The following RALYL variants were observed in gnomAD, a reference collection of about 807,000 sequenced individuals.
RALYL encodes the protein RALY RNA binding protein like.
In RALYL, 29 loss-of-function variants were observed where a neutral mutation model predicts 35.1. The ratio of observed to expected loss-of-function variants is 0.83; its 90% CI spans 0.61 to 1.13. The LOEUF (loss-of-function observed/expected upper bound fraction) is 1.13. RALYL is among the 50% of genes most tolerant of loss of function. The probability of loss-of-function intolerance (pLI) is 0.00; values close to 1 mark genes in which losing one functional copy is unlikely to be tolerated. For synonymous variants in RALYL, 120 were observed against 127.6 expected (o/e 0.94, Z 0.40); for missense variants, 359 against 360.4 (o/e 1.00, Z 0.03).
chr8:84,332,999 C>T (rs956380063), intron 1 of RALYL, among the ~76,000 whole-genome samples: 4 of 152,238 alleles, frequency 2.6e-5, no homozygotes, highest in African/African-American at 7.2e-5. Context: ...CCTACGCTAA[C>T]GAAGAGAATT....
chr8:84,341,767 C>T (rs371166677), intron 1 of RALYL, among the ~76,000 whole-genome samples: 16 of 151,956 alleles, frequency 1.1e-4, no homozygotes, highest in African/African-American at 3.6e-4. Context: ...TCAATGTGAA[C>T]CAGCTGTAAA....
intron 2 of RALYL, among the ~76,000 whole-genome samples, chr8:84,656,287 G>A (rs908824201): frequency 1.3e-5 from 2 of 152,066 alleles, no homozygotes; most frequent in African/African-American, 2.4e-5. Flanking sequence ...TATTATTGAG[G>A]TTCTCCTTTG....
At chr8:84,746,677 C>A (rs1478653897) in intron 2 of RALYL, among the ~76,000 whole-genome samples, 1 of 151,826 alleles carries the variant, frequency 6.6e-6, no homozygotes, top group East Asian at 1.9e-4. Flanking sequence ...TTCCACTATT[C>A]CCCTAAGATA....
chr8:84,473,646 A>G (rs1333579213), intron 1 of RALYL, among the ~76,000 whole-genome samples: 2 of 151,850 alleles, frequency 1.3e-5, no homozygotes, highest in African/African-American at 4.8e-5. Flanking sequence ...TATGTATGGA[A>G]CATTTTTGGG....
At chr8:84,915,787 A>T (rs929158645) in intron 8 of RALYL, among the ~76,000 whole-genome samples, 7 of 152,060 alleles carry the variant, frequency 4.6e-5, no homozygotes, top group African/African-American at 1.7e-4. Context: ...ATCTTATCAA[A>T]CTAAAAAAAT....
intron 1 of RALYL, among the ~76,000 whole-genome samples, chr8:84,511,829 C>T (rs2057648468): frequency 6.6e-6 from 1 of 152,164 alleles, no homozygotes; most frequent in Non-Finnish European, 1.5e-5. Context: ...TTTCACTTAA[C>T]ATAATGACCT....
chr8:84,271,239 T>C (rs189776365), intron 1 of RALYL, among the ~76,000 whole-genome samples: 1 of 150,276 alleles, frequency 6.7e-6, no homozygotes, highest in Non-Finnish European at 1.5e-5. Flanking sequence ...GGGAAAAATA[T>C]TTGAATAGAC....
chr8:84,315,553 C>T (rs190701293), intron 1 of RALYL, among the ~76,000 whole-genome samples: 189 of 151,866 alleles, frequency 1.2e-3, no homozygotes, highest in African/African-American at 4.3e-3. Flanking sequence ...AACTTTGATA[C>T]GCTTCCTGAA....
In RALYL at chr8:84,372,886, G is replaced by GTTTTTTTTTTTTTT; in HGVS notation, c.-23-156397_-23-156384dup. Among the ~76,000 whole-genome samples the GTTTTTTTTTTTTTT allele has an allele frequency of 8.7e-3, 339 of 39,080 alleles. 27 individuals carry two copies. Among genetic ancestry groups the GTTTTTTTTTTTTTT allele is most frequent in the East Asian group, 0.013 (19 of 1,490 alleles). 25.6% of individuals were successfully genotyped at this position (39,080 alleles called of 152,430 possible). On this transcript the variant is annotated intron_variant, in intron 1 of 8. Transcript: ENST00000521268. ...TTTCTCCACAACCATGCCAGCATCT[G>GTTTTTTTTTTTTTT]TTTTTTTTTTTTTTTTTTTTTTTTT...
chr8:84,567,504 A>ATATGG (rs1202176955), intron 2 of RALYL, among the ~76,000 whole-genome samples: 8 of 151,780 alleles, frequency 5.3e-5, no homozygotes, highest in African/African-American at 1.9e-4. Flanking sequence ...GGTCTCCATC[A>ATATGG]CCATCTATAT....
intron 5 of RALYL, among the ~76,000 whole-genome samples, chr8:84,857,036 GAAAAAAAAA>G (rs36119108): frequency 1.1e-5 from 1 of 91,828 alleles, no homozygotes; most frequent in Non-Finnish European, 2.0e-5. Context: ...CTCCGTCTCA[GAAAAAAAAA>G]AAAAAAAAAA....
intron 4 of RALYL, among the ~76,000 whole-genome samples, chr8:84,847,566 G>T (rs1332831715): frequency 6.6e-6 from 1 of 152,084 alleles, no homozygotes; most frequent in Non-Finnish European, 1.5e-5. Flanking sequence ...TACACCTTAG[G>T]GTTTGATGGT....
intron 6 of RALYL, chr8:84,864,944 C>A (rs1395804511): frequency 4.4e-6 from 1 of 226,356 alleles, no homozygotes; most frequent in East Asian, 9.5e-5. Flanking sequence ...CTATTCTATT[C>A]ATTTCATATA....
At chr8:84,915,642 G>A (rs1848349456) in intron 8 of RALYL, among the ~76,000 whole-genome samples, 1 of 152,020 alleles carries the variant, frequency 6.6e-6, no homozygotes, top group African/African-American at 2.4e-5. Flanking sequence ...AAAAGACACT[G>A]CTGCTCTGTT....
chr8:84,472,061 AT>A (rs1239240953), intron 1 of RALYL, among the ~76,000 whole-genome samples: 2 of 152,182 alleles, frequency 1.3e-5, no homozygotes, highest in East Asian at 1.9e-4. Flanking sequence ...ATAGTACTTT[AT>A]TTTTTTATCG....
intron 2 of RALYL, among the ~76,000 whole-genome samples, chr8:84,662,435 ACAT>A (rs1831117133): frequency 1.3e-5 from 2 of 152,328 alleles, no homozygotes; most frequent in East Asian, 1.9e-4. Context: ...TGAAATTAAG[ACAT>A]CATTTTAATG....
At chr8:84,729,452 C>A (rs1845687339) in intron 2 of RALYL, among the ~76,000 whole-genome samples, 1 of 151,628 alleles carries the variant, frequency 6.6e-6, no homozygotes, top group African/African-American at 2.4e-5. Context: ...AAATTGACAC[C>A]CTAACATCAC....
At chr8:84,654,364 T>C (rs893358285) in intron 2 of RALYL, among the ~76,000 whole-genome samples, 2 of 145,434 alleles carry the variant, frequency 1.4e-5, no homozygotes, top group Non-Finnish European at 3.0e-5. Flanking sequence ...TACAGACATA[T>C]GATGTGTAAT....
chr8:84,624,211 C>T (rs570537115), intron 2 of RALYL, among the ~76,000 whole-genome samples: 8 of 152,204 alleles, frequency 5.3e-5, no homozygotes, highest in African/African-American at 1.9e-4. Context: ...TTTAGAAAAC[C>T]TTTTCTTACT....
Sources: gnomAD v4.1 joint callset for allele counts (sites outside exome capture counted in the v4.1 genomes callset) on GRCh38, gnomAD v4.1.1 for gene constraint, MANE v1.5 for transcripts, NCBI Gene and HGNC (gene_info 2026-07-23, HGNC 2026-07-21) for gene names.